Variants in GREB1L observed in about 807,000 individuals in gnomAD.
GREB1L encodes GREB1-like protein.
A neutral mutation model predicts 200.8 loss-of-function variants in GREB1L; 17 were observed. The observed-to-expected ratio is 0.08, with a 90% CI of 0.06 to 0.13. The LOEUF is 0.13. Among genes scored for constraint, GREB1L ranks in the 10% least tolerant of loss-of-function variants. GREB1L has a pLI of 1.00. For missense variants in GREB1L, 1,657 were observed against 2,367.7 expected (o/e 0.70, Z 6.23); for synonymous variants, 789 against 893.0 (o/e 0.88, Z 2.08).
At chr18:21,285,273 C>T (rs531424547) in intron 1 of GREB1L, among the ~76,000 whole-genome samples, 6 of 152,104 alleles carry the variant, frequency 3.9e-5, no homozygotes, top group Admixed American at 6.6e-5. Context: ...TATTTTGTCA[C>T]TTATATTTTG....
chr18:21,470,110 C>A (rs2035422016), intron 15 of GREB1L, among the ~76,000 whole-genome samples: 1 of 151,742 alleles, frequency 6.6e-6, no homozygotes, highest in Non-Finnish European at 1.5e-5. Flanking sequence ...CATAGTGAGA[C>A]CCCCATTTCT....
At position 21,401,295 on chromosome 18, in the gene GREB1L, A is replaced by G; in HGVS notation, c.678A>G (p.Val226=). ...ACCTAGTCAGAAGCTCCCAGGGTGT[A>G]CTGTCTAAAGGACCTCTTATCTGCT... ...KYYLVRSSQG[V]LSKGPLICWK... is the part of the protein sequence containing the mutation. The change falls in exon 6 of 33, where the codon GTA becomes GTG. Residue 226 remains valine (V), a synonymous_variant. Transcript: ENST00000424526. 1 of 1,551,802 alleles carries G rather than the reference A, an allele frequency of 6.4e-7. No individual in the cohort carries two copies. The highest frequency in any genetic ancestry group is 8.7e-7 in the Non-Finnish European group (1 of 1,146,976).
At chr18:21,511,090 C>G (rs1326095035) in intron 27 of GREB1L, among the ~76,000 whole-genome samples, 2 of 152,090 alleles carry the variant, frequency 1.3e-5, no homozygotes, top group African/African-American at 2.4e-5. Flanking sequence ...AAGATTTTCT[C>G]CCGGCCGGGT....
intron 7 of GREB1L, among the ~76,000 whole-genome samples, chr18:21,406,187 T>C (rs2030208665): frequency 6.6e-6 from 1 of 152,210 alleles, no homozygotes; most frequent in Admixed American, 6.5e-5. Context: ...AATACAATTT[T>C]AATTCTACCG....
intron 1 of GREB1L, among the ~76,000 whole-genome samples, chr18:21,327,281 T>C (rs2039037062): frequency 6.6e-6 from 1 of 152,194 alleles, no homozygotes; most frequent in Non-Finnish European, 1.5e-5. Context: ...TCCAAATTAA[T>C]GGGATGACAT....
intron 1 of GREB1L, among the ~76,000 whole-genome samples, chr18:21,265,339 T>C (rs2037949058): frequency 6.6e-6 from 1 of 152,204 alleles, no homozygotes. Context: ...GAAAAAGGTA[T>C]ATAGTGAACT....
chr18:21,398,122 C>T (rs1350600174), intron 5 of GREB1L, among the ~76,000 whole-genome samples: 2 of 152,056 alleles, frequency 1.3e-5, no homozygotes, highest in East Asian at 1.9e-4. Context: ...ATGGAAAAGA[C>T]ACAGAAAACA....
intron 7 of GREB1L, among the ~76,000 whole-genome samples, chr18:21,422,343 C>T (rs147310632): frequency 5.9e-5 from 9 of 152,124 alleles, no homozygotes; most frequent in East Asian, 3.9e-4. Context: ...TACCTATGTG[C>T]GTGTGTATAT....
At chr18:21,260,075 C>T (rs370437373) in intron 1 of GREB1L, among the ~76,000 whole-genome samples, 13 of 151,724 alleles carry the variant, frequency 8.6e-5, no homozygotes, top group Admixed American at 1.3e-4. Flanking sequence ...ACATTGTACA[C>T]GATTAATTAG....
chr18:21,441,654 G>A, intron 10 of GREB1L, 117 bp downstream of exon 10: 1 of 983,178 alleles, frequency 1.0e-6, no homozygotes, highest in Non-Finnish European at 1.5e-6. Flanking sequence ...GATTCTGTCA[G>A]CTTTTATTGG....
chr18:21,287,481 TC>T, intron 1 of GREB1L, among the ~76,000 whole-genome samples: 1 of 152,284 alleles, frequency 6.6e-6, no homozygotes, highest in Middle Eastern at 3.4e-3. Context: ...CGAAAGAAGA[TC>T]ATCGGAAGAA....
chr18:21,481,463 GTGTGTGTGTGTGTGTATA>G (rs949866263), intron 17 of GREB1L, among the ~76,000 whole-genome samples: 8 of 139,490 alleles, frequency 5.7e-5, no homozygotes, highest in Non-Finnish European at 9.3e-5. Context: ...GTGTGTGTGT[GTGTGTGTGTGTGTGTATA>G]TATATATATA....
At chr18:21,306,298 A>G (rs2038698949) in intron 1 of GREB1L, among the ~76,000 whole-genome samples, 1 of 152,208 alleles carries the variant, frequency 6.6e-6, no homozygotes. Flanking sequence ...AAAGGTAAGT[A>G]TAGGTTGTAT....
chr18:21,366,330 G>T (rs1295704528), intron 2 of GREB1L, among the ~76,000 whole-genome samples, 194 bp downstream of exon 2: 1 of 151,680 alleles, frequency 6.6e-6, no homozygotes, highest in Non-Finnish European at 1.5e-5. Context: ...AGCTTCTGCA[G>T]AGTTCTTTCT....
chr18:21,371,677 G>A (rs1327436221), intron 2 of GREB1L, among the ~76,000 whole-genome samples: 14 of 151,390 alleles, frequency 9.2e-5, no homozygotes, highest in African/African-American at 2.7e-4. Context: ...GCAGCTACTC[G>A]GGAGGCTGAG....
intron 15 of GREB1L, among the ~76,000 whole-genome samples, chr18:21,458,779 C>A (rs1444333206): frequency 6.6e-6 from 1 of 152,120 alleles, no homozygotes; most frequent in Non-Finnish European, 1.5e-5. Flanking sequence ...CTTGTAACTG[C>A]TGGAGTGATC....
intron 15 of GREB1L, 50 bp downstream of exon 15, chr18:21,454,613 C>A: frequency 7.5e-7 from 1 of 1,335,786 alleles, no homozygotes; most frequent in Non-Finnish European, 1.1e-6. Context: ...GCTTCAGATC[C>A]CCTCTGCCTC....
chr18:21,319,107 CAGATATCCA>C (rs1452398853), intron 1 of GREB1L, among the ~76,000 whole-genome samples: 1 of 152,204 alleles, frequency 6.6e-6, no homozygotes, highest in Non-Finnish European at 1.5e-5. Flanking sequence ...CAAGAACAAG[CAGATATCCA>C]TTCTGGCACC....
intron 7 of GREB1L, among the ~76,000 whole-genome samples, chr18:21,420,206 A>T (rs2032035511): frequency 6.6e-6 from 1 of 152,016 alleles, no homozygotes; most frequent in Non-Finnish European, 1.5e-5. Context: ...CCCCATCTCT[A>T]CTAAAAATAC....
Sources: allele counts gnomAD v4.1 joint callset (sites outside exome capture counted in the v4.1 genomes callset), GRCh38; gene constraint gnomAD v4.1.1; transcripts MANE v1.5; gene names NCBI Gene and HGNC (gene_info 2026-07-23, HGNC 2026-07-21).